Variants in RASGEF1C observed in about 807,000 individuals in gnomAD.
The protein encoded by RASGEF1C is ras-GEF domain-containing family member 1C.
RASGEF1C carries 27 observed loss-of-function variants against 58.1 expected under a neutral mutation model. That is an observed-to-expected ratio of 0.46 (90% confidence interval 0.34 to 0.64). RASGEF1C has a LOEUF of 0.64. Ranked by LOEUF, RASGEF1C falls within the 30% of genes least tolerant of loss-of-function variation. The probability of loss-of-function intolerance (pLI) is 0.01; values close to 1 mark genes in which losing one functional copy is unlikely to be tolerated. For missense variants in RASGEF1C, 502 were observed against 605.1 expected (o/e 0.83, Z 1.79); for synonymous variants, 243 against 246.3 (o/e 0.99, Z 0.13).
chr5:180,197,449 A>C lies in RASGEF1C; in HGVS notation c.-7+11579T>G, dbSNP rs542154071. Among the ~76,000 whole-genome samples, 2 of 152,290 alleles carry C rather than the reference A, an allele frequency of 1.3e-5. No individual in the cohort carries two copies. Among genetic ancestry groups the C allele is most frequent in the African/African-American group, 4.8e-5 (2 of 41,558 alleles). ...GGCCTGAAACCCACGGCTGCTCAGC[A>C]TGTGTTTATTGGGTGGTCCACGTGA... On this transcript the variant is annotated intron_variant, in intron 1 of 13. Coordinates refer to ENST00000361132, the MANE Select transcript of RASGEF1C (RefSeq NM_175062.4). The surrounding 1 kb of genome is among the most constrained non-coding windows in gnomAD (Gnocchi z 4.7).
intron 12 of RASGEF1C, among the ~76,000 whole-genome samples, chr5:180,107,188 A>G (rs1765886050): frequency 6.6e-6 from 1 of 152,190 alleles, no homozygotes; most frequent in South Asian, 2.1e-4. Flanking sequence ...TAGATAGCCT[A>G]TAGTTGGATC....
chr5:180,120,957 A>G (rs1766158844), intron 7 of RASGEF1C, 103 bp downstream of exon 7: 1 of 800,780 alleles, frequency 1.2e-6, no homozygotes, highest in Non-Finnish European at 2.2e-6. Flanking sequence ...TTAGAAATGA[A>G]TAAGACTCAA....
chr5:180,189,916 T>C (rs1581127430), intron 1 of RASGEF1C, among the ~76,000 whole-genome samples: 1 of 32,292 alleles, frequency 3.1e-5, no homozygotes, highest in African/African-American at 1.1e-4. Flanking sequence ...AGAGCAAAAC[T>C]CCATCTCAAA....
intron 1 of RASGEF1C, among the ~76,000 whole-genome samples, chr5:180,144,659 A>T (rs1206103812): frequency 6.6e-6 from 1 of 152,140 alleles, no homozygotes; most frequent in Non-Finnish European, 1.5e-5. Context: ...ATAAAAATTA[A>T]AAAAATATAC....
At chr5:180,191,476 C>T (rs1308094011) in intron 1 of RASGEF1C, among the ~76,000 whole-genome samples, 1 of 152,202 alleles carries the variant, frequency 6.6e-6, no homozygotes, top group African/African-American at 2.4e-5. Flanking sequence ...CCTGCCTCAG[C>T]CTCCCAAGTA....
At chr5:180,182,047 C>T (rs1272819686) in intron 1 of RASGEF1C, among the ~76,000 whole-genome samples, 4 of 150,446 alleles carry the variant, frequency 2.7e-5, no homozygotes, top group South Asian at 2.1e-4. Flanking sequence ...ACTAAAAATA[C>T]AAAAAAAATT....
intron 1 of RASGEF1C, among the ~76,000 whole-genome samples, chr5:180,183,163 G>T (rs929531674): frequency 6.6e-6 from 1 of 152,182 alleles, no homozygotes; most frequent in Non-Finnish European, 1.5e-5. Flanking sequence ...TCTTGAAGAA[G>T]CAAGCCACCA....
At chr5:180,131,558 C>G (rs1429864528) in intron 4 of RASGEF1C, among the ~76,000 whole-genome samples, 1 of 152,186 alleles carries the variant, frequency 6.6e-6, no homozygotes, top group Non-Finnish European at 1.5e-5. Flanking sequence ...TGCATCTCCT[C>G]TCCCTGGACC....
intron 1 of RASGEF1C, among the ~76,000 whole-genome samples, chr5:180,174,764 A>G (rs1253603623): frequency 6.6e-6 from 1 of 152,280 alleles, no homozygotes; most frequent in African/African-American, 2.4e-5. Context: ...CACAGATCGC[A>G]CACACGATCG....
chr5:180,181,539 G>A (rs1277545123), intron 1 of RASGEF1C, among the ~76,000 whole-genome samples: 1 of 152,182 alleles, frequency 6.6e-6, no homozygotes. Flanking sequence ...GAAGACGTGG[G>A]CACACAGGAA....
At chr5:180,193,210 CG>C (rs1756199957) in intron 1 of RASGEF1C, among the ~76,000 whole-genome samples, 1 of 43,412 alleles carries the variant, frequency 2.3e-5, no homozygotes. Context: ...TGCCCGCCAC[CG>C]CACCCGGCTA....
In RASGEF1C at chr5:180,150,724, G is replaced by A. The variant is rs570608426; in HGVS notation, c.-6-12666C>T. On this transcript the variant is annotated intron_variant, in intron 1 of 13. Coordinates refer to ENST00000361132, the MANE Select transcript of RASGEF1C (RefSeq NM_175062.4). ...TTAGAAGTTCTGGCCAGGGCAATCAGGCAGAAGAAGGAAATAAAGGGTATT... is the reference window on the plus strand; with the variant it reads ...TTAGAAGTTCTGGCCAGGGCAATCAAGCAGAAGAAGGAAATAAAGGGTATT... Among the ~76,000 whole-genome samples, 9 of 152,188 alleles carry A rather than the reference G, an allele frequency of 5.9e-5. No homozygotes were observed. The East Asian group carries it at 1.7e-3, about 29-fold the overall frequency.
chr5:180,163,231 C>CTTTTT (rs1220517606), intron 1 of RASGEF1C, among the ~76,000 whole-genome samples: 1 of 19,458 alleles, frequency 5.1e-5, no homozygotes, highest in Admixed American at 5.9e-4. Context: ...CACCCCCTCA[C>CTTTTT]TTTTTTTTTT....
chr5:180,178,129 G>A (rs2113319799), intron 1 of RASGEF1C, among the ~76,000 whole-genome samples: 1 of 144,960 alleles, frequency 6.9e-6, no homozygotes, highest in South Asian at 2.2e-4. Flanking sequence ...ACCAAGCCTG[G>A]CTAATTTTTT....
chr5:180,136,934 C>T (rs995175278), intron 3 of RASGEF1C, among the ~76,000 whole-genome samples: 5 of 152,108 alleles, frequency 3.3e-5, no homozygotes, highest in Non-Finnish European at 5.9e-5. Context: ...CTCACTGGGC[C>T]AGTAGAGAAA....
At chr5:180,180,729 C>A (rs1281343340) in intron 1 of RASGEF1C, among the ~76,000 whole-genome samples, 3 of 152,202 alleles carry the variant, frequency 2.0e-5, no homozygotes, top group Non-Finnish European at 4.4e-5. Context: ...GTGTTGTTTA[C>A]CTTTTTACTG....
intron 1 of RASGEF1C, among the ~76,000 whole-genome samples, chr5:180,190,358 C>G (rs374181865): frequency 6.6e-6 from 1 of 151,308 alleles, no homozygotes. Context: ...GGCGTGGTGG[C>G]GGGCGCCTGT....
intron 1 of RASGEF1C, among the ~76,000 whole-genome samples, chr5:180,200,476 A>AT (rs1196806775): frequency 8.0e-5 from 12 of 149,620 alleles, no homozygotes; most frequent in African/African-American, 2.5e-4. Flanking sequence ...CGCCAGGCTA[A>AT]TTTTTTTTTG....
intron 12 of RASGEF1C, among the ~76,000 whole-genome samples, chr5:180,107,548 C>T: frequency 6.6e-6 from 1 of 152,072 alleles, no homozygotes. Context: ...TGTTTTCCCC[C>T]TATGGGTAAA....
Sources: gnomAD v4.1 joint callset for allele counts (sites outside exome capture counted in the v4.1 genomes callset) on GRCh38, gnomAD v4.1.1 for gene constraint, Gnocchi (gnomAD v3.1) non-coding constraint, MANE v1.5 for transcripts, NCBI Gene and HGNC (gene_info 2026-07-23, HGNC 2026-07-21) for gene names.